The following LGR5 variants were observed in gnomAD, a reference collection of about 807,000 sequenced individuals.
LGR5 encodes leucine-rich repeat-containing G protein-coupled receptor 5.
A neutral mutation model predicts 76.7 loss-of-function variants in LGR5; 54 were observed. The ratio of observed to expected loss-of-function variants is 0.70; its 90% CI spans 0.57 to 0.88. LGR5 has a LOEUF of 0.88. Among genes scored for constraint, LGR5 ranks in the 40% least tolerant of loss-of-function variants. The probability of loss-of-function intolerance (pLI) is 0.00; values close to 1 mark genes in which losing one functional copy is unlikely to be tolerated. For missense variants in LGR5, 1,078 were observed against 1,073.3 expected, an observed-to-expected ratio of 1.00 and a Z score of -0.06; for synonymous variants, 406 against 421.9, an observed-to-expected ratio of 0.96 and a Z score of 0.46.
intron 1 of LGR5, among the ~76,000 whole-genome samples, chr12:71,499,012 C>A (rs1874468499): frequency 1.3e-5 from 2 of 152,116 alleles, no homozygotes. Flanking sequence ...CACACGAAGA[C>A]CGTGAATTTA....
chr12:71,547,100 A>T (rs992868016), intron 4 of LGR5, among the ~76,000 whole-genome samples: 1 of 152,188 alleles, frequency 6.6e-6, no homozygotes, highest in African/African-American at 2.4e-5. Context: ...AAGTCATACC[A>T]TGACCCTTCC....
At chr12:71,583,594 A>G (rs1879181993) in intron 17 of LGR5, 53 bp from the exon 18 acceptor site, 1 of 1,542,368 alleles carries the variant, frequency 6.5e-7, no homozygotes, top group Admixed American at 2.0e-5. Context: ...TAATTCAGCA[A>G]AAGTTGTAAA....
At chr12:71,510,040 T>C (rs902585394) in intron 2 of LGR5, among the ~76,000 whole-genome samples, 28 of 152,240 alleles carry the variant, frequency 1.8e-4, no homozygotes, top group African/African-American at 6.3e-4. Context: ...ATAGCTGTCC[T>C]GCCTGTCTTT....
Position 71,553,546 on chromosome 12 carries a change from C to G in LGR5, c.644+258C>G, listed in dbSNP as rs1795450. ...TATGACCTGTGCCTTAGAGAAGCCC[C>G]TTGCATGTTGCACAAGGAGTCACCG... is the stretch of plus-strand genomic sequence containing the variant. On this transcript the variant is annotated intron_variant, in intron 5 of 17. Transcript: ENST00000266674. Among the ~76,000 whole-genome samples, 694 of 152,220 alleles carry G rather than the reference C, an allele frequency of 4.6e-3. 4 individuals are homozygous for G. The highest frequency in any genetic ancestry group is 7.8e-3 in the Non-Finnish European group (531 of 68,028).
At chr12:71,581,137 T>G (rs1051014961) in intron 16 of LGR5, among the ~76,000 whole-genome samples, 1 of 152,248 alleles carries the variant, frequency 6.6e-6, no homozygotes, top group African/African-American at 2.4e-5. Flanking sequence ...TTCATTCTTA[T>G]GGCCTGGAAG....
intron 13 of LGR5, among the ~76,000 whole-genome samples, chr12:71,576,713 C>T (rs1317301941): frequency 6.6e-6 from 1 of 152,210 alleles, no homozygotes; most frequent in African/African-American, 2.4e-5. Flanking sequence ...CCAAATCACT[C>T]TAAGCACCAT....
intron 3 of LGR5, among the ~76,000 whole-genome samples, chr12:71,528,334 T>C (rs1173954171): frequency 2.6e-5 from 4 of 152,076 alleles, no homozygotes; most frequent in Non-Finnish European, 4.4e-5. Context: ...GGCGAACACC[T>C]GTGGTCCCAG....
intron 1 of LGR5, among the ~76,000 whole-genome samples, chr12:71,445,862 C>T (rs1480431210): frequency 6.6e-6 from 1 of 152,282 alleles, no homozygotes; most frequent in African/African-American, 2.4e-5. Context: ...TATTACTTCT[C>T]TTTTTAATGT....
At chr12:71,515,969 G>A (rs1348692225) in intron 2 of LGR5, among the ~76,000 whole-genome samples, 1 of 152,174 alleles carries the variant, frequency 6.6e-6, no homozygotes, top group East Asian at 1.9e-4. Flanking sequence ...ACCTTTTGGA[G>A]CTTTGGTGTC....
chr12:71,444,495 A>C (rs1307827079), intron 1 of LGR5, among the ~76,000 whole-genome samples: 3 of 152,140 alleles, frequency 2.0e-5, no homozygotes, highest in Non-Finnish European at 4.4e-5. Context: ...GAATATATTT[A>C]ACATATGCAT....
At chr12:71,515,234 A>G (rs538632028) in intron 2 of LGR5, among the ~76,000 whole-genome samples, 3 of 152,272 alleles carry the variant, frequency 2.0e-5, no homozygotes, top group Admixed American at 2.0e-4. Flanking sequence ...CTATAAATGT[A>G]GTTGGCCCTA....
chr12:71,582,524 T>G lies in LGR5; in HGVS notation c.1621T>G (p.Cys541Gly). Reference protein sequence around the residue: ...EDLKALHSVQCSPSPGPFKPC... With the variant: ...EDLKALHSVQGSPSPGPFKPC... ...CCTGAAAGCCCTTCATTCAGTGCAG[T>G]GTTCACCTTCCCCAGGTGAGAAAGG... The change falls in exon 17 of 18, where the codon TGT becomes GGT. Residue 541 changes from cysteine (C) to glycine (G), a missense_variant. Physicochemically the swap from Cys to Gly is radical, Grantham distance 159. Coordinates refer to ENST00000266674, the MANE Select transcript of LGR5 (RefSeq NM_003667.4). The G allele has an allele frequency of 6.2e-7, 1 of 1,613,676 alleles. No homozygotes were observed. The highest frequency in any genetic ancestry group is 8.5e-7 in the Non-Finnish European group (1 of 1,179,578).
chr12:71,554,906 T>C (rs1362026372), intron 5 of LGR5, among the ~76,000 whole-genome samples: 1 of 152,178 alleles, frequency 6.6e-6, no homozygotes, highest in Non-Finnish European at 1.5e-5. Context: ...ATGTATAATA[T>C]AATAACCAAT....
At chr12:71,468,057 T>C (rs535639633) in intron 1 of LGR5, among the ~76,000 whole-genome samples, 1 of 152,236 alleles carries the variant, frequency 6.6e-6, no homozygotes, top group Non-Finnish European at 1.5e-5. Context: ...TTTAATGCTT[T>C]AGCCTTCATC....
In LGR5 at chr12:71,566,857, C is replaced by A; in HGVS notation, c.1015C>A (p.Gln339Lys). The A allele has an allele frequency of 1.2e-6, 2 of 1,613,660 alleles. No homozygotes were observed. Among genetic ancestry groups the A allele is most frequent in the Non-Finnish European group, 1.7e-6 (2 of 1,179,588 alleles). ...TTTTAACAGGACTTTAACTGGAGCA[C>A]AGATCTCATCTCTTCCTCAAACCGT... ...NLESLTLTGA[Q>K]ISSLPQTVCN... Residue 339 changes from glutamine (Q) to lysine (K), a missense_variant, in exon 11 of 18, where the codon CAG becomes AAG. Transcript: ENST00000266674.
chr12:71,537,336 A>T (rs1345623325), intron 4 of LGR5, among the ~76,000 whole-genome samples: 2 of 152,076 alleles, frequency 1.3e-5, no homozygotes. Context: ...AGGTGTGGTG[A>T]CATGTGCCCG....
intron 4 of LGR5, among the ~76,000 whole-genome samples, chr12:71,542,841 A>G (rs533345157): frequency 6.6e-6 from 1 of 152,204 alleles, no homozygotes; most frequent in African/African-American, 2.4e-5. Flanking sequence ...GAGATGTCAC[A>G]TAGTTTGAAA....
Position 71,556,676 on chromosome 12 carries a change from C to G in LGR5, c.702C>G (p.His234Gln), listed in dbSNP as rs140637499. The change falls in exon 6 of 18, where the codon CAC becomes CAG. Residue 234 changes from histidine to glutamine, a missense_variant. Physicochemically the swap from His to Gln is conservative, Grantham distance 24. Coordinates refer to ENST00000266674, the MANE Select transcript of LGR5 (RefSeq NM_003667.4). ...SLGKKCFDGL[H>Q]SLETLDLNYN... is the part of the protein sequence containing the mutation. ...GAAAGAAATGCTTTGATGGGCTCCA[C>G]AGCCTAGAGACTTTGTGAGTTGACC... is the stretch of plus-strand genomic sequence containing the variant. 6.2e-7 allele frequency: 1 copy of G among 1,609,900 alleles called. No homozygotes were observed. The highest frequency in any genetic ancestry group is 1.7e-5 in the Admixed American group (1 of 59,982).
At chr12:71,526,080 G>C (rs116494625) in intron 3 of LGR5, among the ~76,000 whole-genome samples, 2,835 of 152,154 alleles carry the variant, frequency 0.019, 99 homozygotes, top group African/African-American at 0.065. Flanking sequence ...TCCTTACTTA[G>C]AGTAGACATT....
Sources: gnomAD v4.1 joint callset for allele counts (sites outside exome capture counted in the v4.1 genomes callset) on GRCh38, gnomAD v4.1.1 for gene constraint, MANE v1.5 for transcripts, NCBI Gene and HGNC (gene_info 2026-07-23, HGNC 2026-07-21) for gene names.